Variants in MYO1H observed in about 807,000 individuals in gnomAD.
MYO1H encodes the protein myosin IH.
Under a neutral mutation model 149.3 loss-of-function variants are expected in MYO1H, and 118 were observed. The ratio of observed to expected loss-of-function variants is 0.79; its 90% CI spans 0.68 to 0.92. The LOEUF (loss-of-function observed/expected upper bound fraction) is 0.92. MYO1H is among the 40% of genes least tolerant of loss of function. The pLI, the probability that MYO1H is intolerant of heterozygous loss-of-function variation, is 0.00. For missense variants in MYO1H, 1,212 were observed against 1,280.7 expected, an observed-to-expected ratio of 0.95 and a Z score of 0.82; for synonymous variants, 447 against 465.2, an observed-to-expected ratio of 0.96 and a Z score of 0.50.
chr12:109,427,672 A>C, intron 19 of MYO1H, 86 bp downstream of exon 19: 1 of 935,364 alleles, frequency 1.1e-6, no homozygotes, highest in South Asian at 1.3e-5. Flanking sequence ...ATAAAATGGC[A>C]TCCCTTAGGA....
chr12:109,422,619 C>T (rs1214545822), intron 16 of MYO1H, among the ~76,000 whole-genome samples: 1 of 152,176 alleles, frequency 6.6e-6, no homozygotes, highest in East Asian at 1.9e-4. Context: ...AAGAAGTCTC[C>T]AAATCTCTCC....
At chr12:109,324,015 A>G in the MYO1H span, among the ~76,000 whole-genome samples, 1 of 28,612 alleles carries the variant, frequency 3.5e-5, no homozygotes, top group Non-Finnish European at 7.1e-5. Flanking sequence ...TGACTCAAGA[A>G]AAAAAAAAAA....
At chr12:109,398,086 G>A (rs747877151) in intron 5 of MYO1H, among the ~76,000 whole-genome samples, 2 of 152,142 alleles carry the variant, frequency 1.3e-5, no homozygotes, top group Admixed American at 1.3e-4. Context: ...TTGCTGGTGG[G>A]GTGTAAAATA....
At chr12:109,427,899 AAAAAAAAAAAATAT>A (rs1437320384) in intron 19 of MYO1H, among the ~76,000 whole-genome samples, 10 of 51,432 alleles carry the variant, frequency 1.9e-4, no homozygotes, top group African/African-American at 6.1e-4. Context: ...AAAAAAAAAA[AAAAAAAAAAAATAT>A]ATATATATAT....
intron 16 of MYO1H, among the ~76,000 whole-genome samples, chr12:109,423,477 T>G (rs1871253507): frequency 6.6e-6 from 1 of 152,246 alleles, no homozygotes; most frequent in Non-Finnish European, 1.5e-5. Context: ...TTAATCATTT[T>G]AAAGTGTACA....
intron 1 of MYO1H, among the ~76,000 whole-genome samples, chr12:109,363,560 A>C (rs1031586746): frequency 2.0e-5 from 3 of 152,098 alleles, no homozygotes; most frequent in Admixed American, 2.0e-4. Context: ...TAAAAATACA[A>C]AATTAGCTGC....
intron 15 of MYO1H, among the ~76,000 whole-genome samples, chr12:109,417,725 T>C (rs1426678731): frequency 2.6e-5 from 4 of 152,240 alleles, no homozygotes. Flanking sequence ...ATTAAACATG[T>C]TTTCACGTGC....
chr12:109,413,915 GA>G (rs1401062421), intron 14 of MYO1H, among the ~76,000 whole-genome samples: 3 of 150,862 alleles, frequency 2.0e-5, no homozygotes, highest in African/African-American at 4.9e-5. Context: ...ATCTCAAAGA[GA>G]AAAAAAAGGA....
At chr12:109,412,241 T>C (rs979847955) in intron 14 of MYO1H, among the ~76,000 whole-genome samples, 1 of 152,138 alleles carries the variant, frequency 6.6e-6, no homozygotes, top group Non-Finnish European at 1.5e-5. Flanking sequence ...CACTGCAGCC[T>C]CAACCTCCCA....
intron 15 of MYO1H, among the ~76,000 whole-genome samples, chr12:109,419,870 A>G (rs1871096718): frequency 9.2e-6 from 1 of 109,196 alleles, no homozygotes; most frequent in Admixed American, 1.0e-4. Flanking sequence ...TGCTCCCCCA[A>G]CTTAAAAAAA....
intron 18 of MYO1H, 131 bp from the exon 19 acceptor site, chr12:109,427,337 AT>A (rs1454106494): frequency 2.8e-5 from 14 of 508,400 alleles, no homozygotes; most frequent in East Asian, 6.4e-5. Flanking sequence ...AAAAAAAAAA[AT>A]TAAGACCTCA....
chr12:109,368,548 C>T (rs1261321146), intron 1 of MYO1H, among the ~76,000 whole-genome samples: 1 of 147,316 alleles, frequency 6.8e-6, no homozygotes, highest in Non-Finnish European at 1.5e-5. Context: ...CCCAGCTACT[C>T]GGGAGGCTGA....
the MYO1H span, among the ~76,000 whole-genome samples, chr12:109,313,211 C>T: frequency 6.6e-6 from 1 of 152,140 alleles, no homozygotes; most frequent in Non-Finnish European, 1.5e-5. Flanking sequence ...TGCACTACTG[C>T]ACTCCAGCCT....
chr12:109,440,466 C>T, intron 24 of MYO1H: 2 of 399,332 alleles, frequency 5.0e-6, no homozygotes, highest in Non-Finnish European at 9.2e-6. Flanking sequence ...CCGGGCTCCA[C>T]TTTGGACCCA....
intron 1 of MYO1H, among the ~76,000 whole-genome samples, chr12:109,353,640 G>C (rs1868515279): frequency 6.6e-6 from 1 of 151,964 alleles, no homozygotes; most frequent in African/African-American, 2.4e-5. Context: ...ACATGCACAG[G>C]GGTGGGGAGA....
chr12:109,360,549 A>G (rs868388801), intron 1 of MYO1H, among the ~76,000 whole-genome samples: 1 of 152,328 alleles, frequency 6.6e-6, no homozygotes, highest in African/African-American at 2.4e-5. Context: ...GTTTTGTGAA[A>G]CACATAGTTT....
At chr12:109,404,287 G>C (rs1251496792) in intron 7 of MYO1H, among the ~76,000 whole-genome samples, 1 of 152,108 alleles carries the variant, frequency 6.6e-6, no homozygotes, top group Non-Finnish European at 1.5e-5. Context: ...AGACCAGCCT[G>C]GCCAACATGG....
chr12:109,445,675 A>G (rs191431059), intron 31 of MYO1H, 63 bp downstream of exon 31: 3 of 1,555,646 alleles, frequency 1.9e-6, no homozygotes, highest in East Asian at 4.5e-5. Context: ...TTAAAGTTCT[A>G]CCAATTTCAG....
intron 1 of MYO1H, among the ~76,000 whole-genome samples, chr12:109,388,450 T>C (rs977804161): frequency 7.9e-5 from 12 of 152,322 alleles, no homozygotes; most frequent in Non-Finnish European, 1.6e-4. Flanking sequence ...GTCAAGTGTT[T>C]AGAATAGTAC....
Sources: allele counts gnomAD v4.1 joint callset (sites outside exome capture counted in the v4.1 genomes callset), GRCh38; gene constraint gnomAD v4.1.1; transcripts MANE v1.5; gene names NCBI Gene and HGNC (gene_info 2026-07-23, HGNC 2026-07-21).